NOTCH2NLB: variants seen among roughly 807,000 people sequenced by gnomAD.
NOTCH2NLB encodes notch homolog 2 N-terminal-like protein B.
In NOTCH2NLB, 1 loss-of-function variant was observed where a neutral mutation model predicts 14.8. That is an observed-to-expected ratio of 0.07 (90% CI 0.02 to 0.32). NOTCH2NLB has a LOEUF of 0.32. NOTCH2NLB is among the 10% of genes least tolerant of loss of function. The pLI is 1.00. For synonymous variants in NOTCH2NLB, 6 were observed against 57.5 expected (o/e 0.10, Z 4.05); for missense variants, 11 against 155.0 (o/e 0.07, Z 4.93).
At chr1:148,661,330 T>C (rs1664677959) in intron 1 of NOTCH2NLB, among the ~76,000 whole-genome samples, 1 of 150,082 alleles carries the variant, frequency 6.7e-6, no homozygotes, top group African/African-American at 2.4e-5. Flanking sequence ...TTCCAAGGTC[T>C]ATTCCTCCTC....
In NOTCH2NLB at chr1:148,672,838, ACAC is replaced by A. The variant is rs2149633481; in HGVS notation, c.3+6621_3+6623del. ...AAGCACACAAATTAAGTGTGACAAC[ACAC>A]CACAATGCTCCCCCAATACACCACT... On this transcript the variant is annotated intron_variant, in intron 1 of 4. Coordinates refer to ENST00000593495, the Ensembl canonical transcript of NOTCH2NLB. Among the ~76,000 whole-genome samples the A allele has an allele frequency of 2.4e-5, 2 of 83,520 alleles. 1 individual carries two copies. The highest frequency in any genetic ancestry group is 8.7e-5 in the African/African-American group (2 of 23,068). The allele number at this position is 83,520 out of a possible 152,430, so 54.8% of individuals were successfully genotyped here. A position where few individuals can be genotyped will look rare whatever the true frequency, so the allele number is the denominator to read the frequency against.
intron 1 of NOTCH2NLB, among the ~76,000 whole-genome samples, chr1:148,674,621 G>T (rs1211930502): frequency 2.3e-5 from 2 of 86,724 alleles, no homozygotes; most frequent in Admixed American, 2.1e-4. Flanking sequence ...TCTAAAGGTG[G>T]GAAAGCAGGA....
At chr1:148,609,649 C>T (rs1663621324) in intron 3 of NOTCH2NLB, among the ~76,000 whole-genome samples, 1 of 142,496 alleles carries the variant, frequency 7.0e-6, no homozygotes, top group Admixed American at 6.9e-5. Context: ...TTTGTTAATA[C>T]TCCAGTTGAT....
intron 1 of NOTCH2NLB, among the ~76,000 whole-genome samples, chr1:148,670,555 T>C (rs1214665514): frequency 2.4e-5 from 3 of 127,132 alleles, no homozygotes; most frequent in Non-Finnish European, 3.4e-5. Context: ...TATATATACA[T>C]ATATATATAT....
At chr1:148,633,014 A>G (rs1488486914) in intron 2 of NOTCH2NLB, among the ~76,000 whole-genome samples, 2 of 118,406 alleles carry the variant, frequency 1.7e-5, no homozygotes, top group Non-Finnish European at 3.3e-5. Context: ...ATGCAGATTT[A>G]GTGTTCTAGA....
At chr1:148,633,247 T>G (rs1425797228) in intron 2 of NOTCH2NLB, among the ~76,000 whole-genome samples, 1 of 126,110 alleles carries the variant, frequency 7.9e-6, no homozygotes, top group Non-Finnish European at 1.6e-5. Flanking sequence ...TAAGTCTATC[T>G]GGCATAAAAA....
At chr1:148,658,549 A>ATTTTTTTTTT (rs1664569615) in intron 1 of NOTCH2NLB, among the ~76,000 whole-genome samples, 2 of 31,106 alleles carry the variant, frequency 6.4e-5, no homozygotes, top group Non-Finnish European at 1.4e-4. Context: ...GCCCAATACC[A>ATTTTTTTTTT]CTTTTTTTTT....
At chr1:148,674,849 T>C (rs1664823447) in intron 1 of NOTCH2NLB, among the ~76,000 whole-genome samples, 1 of 147,800 alleles carries the variant, frequency 6.8e-6, no homozygotes, top group African/African-American at 2.5e-5. Flanking sequence ...TTCAGGGGAC[T>C]CTCTTGGTTC....
At chr1:148,631,166 T>C in intron 2 of NOTCH2NLB, among the ~76,000 whole-genome samples, 1 of 137,892 alleles carries the variant, frequency 7.3e-6, no homozygotes, top group Non-Finnish European at 1.5e-5. Flanking sequence ...TAAATCCTAA[T>C]CAGATTATTT....
intron 1 of NOTCH2NLB, among the ~76,000 whole-genome samples, chr1:148,659,061 ATAT>A (rs1446629943): frequency 2.2e-5 from 3 of 137,592 alleles, no homozygotes; most frequent in Non-Finnish European, 3.2e-5. Context: ...AATAACATCA[ATAT>A]TATTATTATT....
intron 1 of NOTCH2NLB, among the ~76,000 whole-genome samples, chr1:148,673,872 T>C (rs1242210827): frequency 6.0e-5 from 6 of 99,866 alleles, no homozygotes; most frequent in Non-Finnish European, 1.1e-4. Flanking sequence ...AATGTAAGAA[T>C]CACCTGGCTA....
At chr1:148,645,321 CACT>C (rs1172592511) in intron 1 of NOTCH2NLB, among the ~76,000 whole-genome samples, 2 of 77,776 alleles carry the variant, frequency 2.6e-5, no homozygotes, top group Non-Finnish European at 5.2e-5. Flanking sequence ...CATGTTGCCC[CACT>C]ACTTTCTAAC....
At position 148,610,365 on chromosome 1, in the gene NOTCH2NLB, GAAA is replaced by G. The variant is rs1663657527; in HGVS notation, c.338-2623_338-2621del. On this transcript the variant is annotated intron_variant, in intron 3 of 4. Coordinates refer to ENST00000593495, the Ensembl canonical transcript of NOTCH2NLB. ...AGAAAGAAAGAAAGAAAGAAAGAAA[GAAA>G]GAAAGAGAAAGAAAGAAAGAAAGAA... Among the ~76,000 whole-genome samples the G allele has an allele frequency of 7.2e-4, 86 of 119,254 alleles. 2 individuals carry two copies. Among genetic ancestry groups the G allele is most frequent in the Non-Finnish European group, 1.3e-3 (74 of 57,208 alleles). 78.2% of individuals were successfully genotyped at this position (119,254 alleles called of 152,430 possible).
the NOTCH2NLB span, among the ~76,000 whole-genome samples, chr1:148,693,336 A>G: frequency 2.7e-5 from 4 of 150,602 alleles, no homozygotes; most frequent in East Asian, 2.0e-4. Context: ...AATGGCTACT[A>G]GAACAGCCAT....
intron 3 of NOTCH2NLB, among the ~76,000 whole-genome samples, chr1:148,610,975 T>C (rs1375854088): frequency 3.6e-5 from 1 of 27,730 alleles, no homozygotes; most frequent in Non-Finnish European, 6.2e-5. Context: ...AAGGAAGAAG[T>C]TTTAATTTGG....
In NOTCH2NLB at chr1:148,637,556, A is replaced by G. The variant is rs1295751889; in HGVS notation, c.77+2460T>C. On this transcript the variant is annotated intron_variant, in intron 2 of 4. Coordinates refer to ENST00000593495, the Ensembl canonical transcript of NOTCH2NLB. ...TCTCTGTATGGTATTACCACCCTGA[A>G]TGCTATGTGAAATACATAAATTTTT... is the stretch of plus-strand genomic sequence containing the variant. 3.6e-3 allele frequency among the ~76,000 whole-genome samples: 539 copies of G among 148,214 alleles called. 48 individuals are homozygous for G. The highest frequency in any genetic ancestry group is 0.013 in the African/African-American group (501 of 39,482).
chr1:148,636,381 CAGAT>C (rs1432263901), intron 2 of NOTCH2NLB, among the ~76,000 whole-genome samples: 2 of 29,376 alleles, frequency 6.8e-5, no homozygotes, highest in African/African-American at 4.8e-4. Context: ...GCTGTCTAAA[CAGAT>C]AGTCAGATTC....
chr1:148,680,784 G>A (rs1443621744), upstream of NOTCH2NLB, among the ~76,000 whole-genome samples: 3 of 146,760 alleles, frequency 2.0e-5, no homozygotes, highest in African/African-American at 7.4e-5. Context: ...CATATATATA[G>A]ATATAGATAT....
intron 2 of NOTCH2NLB, among the ~76,000 whole-genome samples, chr1:148,637,174 T>C (rs1664222469): frequency 6.9e-6 from 1 of 144,642 alleles, no homozygotes; most frequent in African/African-American, 2.6e-5. Context: ...TTTCAGGCCA[T>C]TCTCCTGCCT....
Sources: gnomAD v4.1 joint callset for allele counts (sites outside exome capture counted in the v4.1 genomes callset) on GRCh38, gnomAD v4.1.1 for gene constraint, MANE v1.5 for transcripts, NCBI Gene and HGNC (gene_info 2026-07-23, HGNC 2026-07-21) for gene names.